The following SMC2 variants were observed in gnomAD, a reference collection of about 807,000 sequenced individuals.
SMC2 encodes the protein structural maintenance of chromosomes protein 2.
In SMC2, 41 loss-of-function variants were observed where a neutral mutation model predicts 142.6. The ratio of observed to expected loss-of-function variants is 0.29; its 90% CI spans 0.22 to 0.37. SMC2 has a LOEUF of 0.37. Ranked by LOEUF, SMC2 falls within the 10% of genes least tolerant of loss-of-function variation. The pLI, the probability that SMC2 is intolerant of heterozygous loss-of-function variation, is 1.00. For missense variants in SMC2, 1,265 were observed against 1,373.7 expected, an observed-to-expected ratio of 0.92 and a Z score of 1.25; for synonymous variants, 463 against 457.5, an observed-to-expected ratio of 1.01 and a Z score of -0.15.
intron 19 of SMC2, 126 bp downstream of exon 19, chr9:104,126,910 A>T: frequency 1.0e-6 from 1 of 978,706 alleles, no homozygotes; most frequent in Middle Eastern, 3.3e-4. Context: ...TGAGGCACAA[A>T]TAGCTTTTAC....
Position 104,100,419 on chromosome 9 carries a change from C to A in SMC2, c.622C>A (p.Gln208Lys). 2 of 1,520,870 alleles carry A rather than the reference C, an allele frequency of 1.3e-6. No individual in the cohort carries two copies. Among genetic ancestry groups the A allele is most frequent in the Non-Finnish European group, 1.8e-6 (2 of 1,100,488 alleles). 94.2% of individuals were successfully genotyped at this position (1,520,870 alleles called of 1,614,324 possible). The change falls in exon 7 of 25, where the codon CAA becomes AAA. Residue 208 changes from glutamine (Q) to lysine (K), a missense_variant. Transcript: ENST00000374793. ...TGAAGAAGAGATTACTCCAACCATT[C>A]AAAAATTAAAAGAGGTATATTCTGT... ...ILEEEITPTI[Q>K]KLKEERSSYL...
At chr9:104,122,935 T>A (rs185600435) in intron 16 of SMC2, among the ~76,000 whole-genome samples, 173 bp from the exon 17 acceptor site, 135 of 152,276 alleles carry the variant, frequency 8.9e-4, no homozygotes, top group Non-Finnish European at 1.7e-3. Context: ...AAATTTGAAT[T>A]AATTGGTGCC....
chr9:104,124,057 C>A (rs1280513632), intron 17 of SMC2, among the ~76,000 whole-genome samples: 10 of 152,150 alleles, frequency 6.6e-5, no homozygotes, highest in Admixed American at 5.2e-4. Flanking sequence ...CAATATACAT[C>A]AGTTGTTACA....
chr9:104,127,486 C>T lies in SMC2; in HGVS notation c.2790+6C>T, dbSNP rs201242800. 8.5e-6 allele frequency: 13 copies of T among 1,523,882 alleles called. No individual in the cohort carries two copies. The East Asian group carries it at 1.1e-4, about 13-fold the overall frequency. 94.4% of individuals were successfully genotyped at this position (1,523,882 alleles called of 1,614,324 possible). On this transcript the variant is annotated splice_donor_region_variant and intron_variant, in intron 20 of 24. Coordinates refer to ENST00000374793, the MANE Select transcript of SMC2 (RefSeq NM_006444.3). ...CTGAAGATGGTGCTGCAAAGGTATACGTTTGTGTGCATTTTTTATACTAAA... is the reference window on the plus strand; with the variant it reads ...CTGAAGATGGTGCTGCAAAGGTATATGTTTGTGTGCATTTTTTATACTAAA...
intron 9 of SMC2, among the ~76,000 whole-genome samples, chr9:104,108,182 T>G (rs779463794): frequency 3.9e-5 from 6 of 152,160 alleles, no homozygotes; most frequent in Non-Finnish European, 7.4e-5. Flanking sequence ...TCAGTTTAAC[T>G]TTTCCCTAGG....
At chr9:104,104,784 GTCT>G (rs1831559993) in intron 9 of SMC2, among the ~76,000 whole-genome samples, 1 of 152,194 alleles carries the variant, frequency 6.6e-6, no homozygotes, top group African/African-American at 2.4e-5. Flanking sequence ...AAGGAGGTTT[GTCT>G]TCTTAGATGG....
At chr9:104,099,286 G>T (rs1830846250) in intron 4 of SMC2, among the ~76,000 whole-genome samples, 1 of 152,016 alleles carries the variant, frequency 6.6e-6, no homozygotes, top group Non-Finnish European at 1.5e-5. Flanking sequence ...ATCATTCAAA[G>T]AAATGTTAAA....
intron 16 of SMC2, among the ~76,000 whole-genome samples, chr9:104,120,462 A>C (rs1433609513): frequency 6.6e-6 from 1 of 152,196 alleles, no homozygotes; most frequent in African/African-American, 2.4e-5. Flanking sequence ...TTGCTGGGGA[A>C]ACCCTTCGAC....
intron 16 of SMC2, among the ~76,000 whole-genome samples, chr9:104,120,461 A>G (rs902391089): frequency 5.3e-5 from 8 of 152,200 alleles, no homozygotes; most frequent in African/African-American, 1.9e-4. Flanking sequence ...GTTGCTGGGG[A>G]AACCCTTCGA....
At chr9:104,123,442 C>G (rs1356594838) in intron 17 of SMC2, among the ~76,000 whole-genome samples, 1 of 151,566 alleles carries the variant, frequency 6.6e-6, no homozygotes, top group Non-Finnish European at 1.5e-5. Flanking sequence ...TACCAATACT[C>G]ATTTCCACCA....
chr9:104,123,086 T>TA (rs765933794), intron 16 of SMC2, 22 bp from the exon 17 acceptor site: 15 of 1,590,532 alleles, frequency 9.4e-6, no homozygotes, highest in Middle Eastern at 1.7e-4. Flanking sequence ...AGTCATTTCT[T>TA]ACATGTTTCT....
At chr9:104,127,908 T>C (rs1381391829) in intron 20 of SMC2, among the ~76,000 whole-genome samples, 1 of 152,234 alleles carries the variant, frequency 6.6e-6, no homozygotes, top group Non-Finnish European at 1.5e-5. Flanking sequence ...CATGTCTTTA[T>C]GAGTGTTACT....
At chr9:104,115,020 G>T (rs1832924718) in intron 13 of SMC2, among the ~76,000 whole-genome samples, 191 bp downstream of exon 13, 1 of 152,076 alleles carries the variant, frequency 6.6e-6, no homozygotes, top group Non-Finnish European at 1.5e-5. Flanking sequence ...CAGAAACTCA[G>T]AATGCATATT....
chr9:104,118,871 T>C (rs1486425987), intron 15 of SMC2, among the ~76,000 whole-genome samples: 1 of 152,236 alleles, frequency 6.6e-6, no homozygotes, highest in East Asian at 1.9e-4. Flanking sequence ...TCTATCATTC[T>C]ATAAAGCCCT....
upstream of SMC2, among the ~76,000 whole-genome samples, chr9:104,090,165 A>C (rs780489087): frequency 6.6e-6 from 1 of 152,220 alleles, no homozygotes; most frequent in Non-Finnish European, 1.5e-5. Context: ...TAATGGATAA[A>C]ATATAATTAT....
chr9:104,126,340 C>T (rs563183030), intron 18 of SMC2, among the ~76,000 whole-genome samples: 1 of 152,084 alleles, frequency 6.6e-6, no homozygotes, highest in South Asian at 2.1e-4. Context: ...GCTTTACTTC[C>T]AGTAATTCAT....
At chr9:104,115,019 A>G (rs112097026) in intron 13 of SMC2, among the ~76,000 whole-genome samples, 190 bp downstream of exon 13, 4 of 152,156 alleles carry the variant, frequency 2.6e-5, no homozygotes, top group Admixed American at 6.5e-5. Context: ...TCAGAAACTC[A>G]GAATGCATAT....
At chr9:104,132,983 G>A (rs918175609) in intron 22 of SMC2, among the ~76,000 whole-genome samples, 1 of 151,898 alleles carries the variant, frequency 6.6e-6, no homozygotes, top group Non-Finnish European at 1.5e-5. Flanking sequence ...TTATATGCCA[G>A]TCACTATTCT....
At chr9:104,111,908 T>C (rs374204117) in intron 10 of SMC2, 94 bp downstream of exon 10, 1 of 893,870 alleles carries the variant, frequency 1.1e-6, no homozygotes. Context: ...ATGTTGAAAA[T>C]AATCAGTCTC....
Sources: allele counts gnomAD v4.1 joint callset (sites outside exome capture counted in the v4.1 genomes callset), GRCh38; gene constraint gnomAD v4.1.1; transcripts MANE v1.5; gene names NCBI Gene and HGNC (gene_info 2026-07-23, HGNC 2026-07-21).